Variants in SLC6A11 observed in about 807,000 individuals in gnomAD.
SLC6A11 encodes the protein solute carrier family 6 member 11.
In SLC6A11, 25 loss-of-function variants were observed where a neutral mutation model predicts 74.8. The ratio of observed to expected loss-of-function variants is 0.33; its 90% CI spans 0.24 to 0.47. The LOEUF is 0.47. SLC6A11 is among the 20% of genes least tolerant of loss of function. SLC6A11 has a pLI of 1.00. For synonymous variants in SLC6A11, 330 were observed against 330.2 expected (o/e 1.00, Z 0.01); for missense variants, 574 against 837.0 (o/e 0.69, Z 3.88).
At chr3:10,871,390 A>G (rs961898161) in intron 5 of SLC6A11, among the ~76,000 whole-genome samples, 3 of 152,198 alleles carry the variant, frequency 2.0e-5, no homozygotes, top group Non-Finnish European at 4.4e-5. Context: ...AGTTCCAAAT[A>G]TTATGTATCT....
intron 6 of SLC6A11, among the ~76,000 whole-genome samples, chr3:10,894,971 C>A (rs1695153108): frequency 6.6e-6 from 1 of 152,046 alleles, no homozygotes; most frequent in Non-Finnish European, 1.5e-5. Flanking sequence ...AAAGTGAGGG[C>A]TTTGGGATCA....
intron 5 of SLC6A11, among the ~76,000 whole-genome samples, chr3:10,873,996 T>TACGCTAC (rs1559567293): frequency 0.023 from 2,950 of 128,544 alleles, 40 homozygotes; most frequent in Non-Finnish European, 0.03. Context: ...CGCTACGCTA[T>TACGCTAC]GCTATGCTAT....
intron 4 of SLC6A11, among the ~76,000 whole-genome samples, chr3:10,832,206 C>T (rs774566576): frequency 2.0e-5 from 3 of 152,340 alleles, no homozygotes; most frequent in East Asian, 1.9e-4. Flanking sequence ...CTAGTGGCCC[C>T]GAGCAGCCCT....
At chr3:10,911,675 C>G (rs576160678) in intron 6 of SLC6A11, among the ~76,000 whole-genome samples, 1 of 152,212 alleles carries the variant, frequency 6.6e-6, no homozygotes, top group Non-Finnish European at 1.5e-5. Flanking sequence ...CAAGCAGGCA[C>G]TAGATCCCAG....
chr3:10,824,803 T>C (rs1331723389), intron 4 of SLC6A11: 2 of 152,234 alleles, frequency 1.3e-5, no homozygotes, highest in Non-Finnish European at 2.9e-5. Flanking sequence ...AGTGAATGTC[T>C]AGTCTGTGCT....
chr3:10,926,942 G>T lies in SLC6A11; in HGVS notation c.1233+826G>T, dbSNP rs1286264465. Among the ~76,000 whole-genome samples the T allele has an allele frequency of 6.6e-6, 1 of 152,254 alleles. No individual in the cohort carries two copies. Among genetic ancestry groups the T allele is most frequent in the East Asian group, 1.9e-4 (1 of 5,166 alleles). On this transcript the variant is annotated intron_variant, in intron 9 of 13. Transcript: ENST00000254488. This position sits in a 1 kb window ranked among gnomAD's most constrained non-coding sequence, Gnocchi z 5.7. Reference sequence around the variant, plus strand: ...CACAGCCTCCCCGCCTCGGAGACTGGGGTCTCTTGGCCAACCAGTGCTGTG... The same window carrying T: ...CACAGCCTCCCCGCCTCGGAGACTGTGGTCTCTTGGCCAACCAGTGCTGTG...
intron 6 of SLC6A11, among the ~76,000 whole-genome samples, chr3:10,892,322 C>A (rs963711282): frequency 6.6e-6 from 1 of 152,244 alleles, no homozygotes; most frequent in Non-Finnish European, 1.5e-5. Context: ...TGCCTCCTTG[C>A]TTAGGGTCTC....
intron 4 of SLC6A11, among the ~76,000 whole-genome samples, chr3:10,841,665 C>G (rs1694439145): frequency 6.6e-6 from 1 of 152,216 alleles, no homozygotes; most frequent in African/African-American, 2.4e-5. Flanking sequence ...TTTGCAGCAT[C>G]CACATTGTAG....
chr3:10,858,408 GT>G (rs989999507), intron 5 of SLC6A11, among the ~76,000 whole-genome samples: 2 of 152,156 alleles, frequency 1.3e-5, no homozygotes, highest in East Asian at 1.9e-4. Flanking sequence ...AAGCAGGAGA[GT>G]TTTTTTGCTG....
intron 6 of SLC6A11, among the ~76,000 whole-genome samples, chr3:10,877,630 G>C (rs1406089049): frequency 6.6e-6 from 1 of 152,174 alleles, no homozygotes; most frequent in Non-Finnish European, 1.5e-5. Flanking sequence ...AAATCACATT[G>C]CTATACAAAT....
chr3:10,875,311 T>G (rs1694895007), intron 6 of SLC6A11, among the ~76,000 whole-genome samples: 1 of 152,216 alleles, frequency 6.6e-6, no homozygotes, highest in Non-Finnish European at 1.5e-5. Flanking sequence ...GGCAAATTTG[T>G]GACATGGTAA....
At chr3:10,890,109 T>A (rs1452046335) in intron 6 of SLC6A11, among the ~76,000 whole-genome samples, 3 of 150,656 alleles carry the variant, frequency 2.0e-5, no homozygotes. Flanking sequence ...CTGTGGCTAG[T>A]GGCCACCATA....
chr3:10,874,404 G>A (rs1300089129), intron 5 of SLC6A11, among the ~76,000 whole-genome samples: 3 of 152,162 alleles, frequency 2.0e-5, no homozygotes, highest in East Asian at 3.9e-4. Context: ...AGGAGGACAG[G>A]CCGTGTTAGG....
chr3:10,826,501 G>A (rs1694211656), intron 4 of SLC6A11, among the ~76,000 whole-genome samples: 1 of 152,140 alleles, frequency 6.6e-6, no homozygotes, highest in Non-Finnish European at 1.5e-5. Context: ...TGTTGTTTTT[G>A]CACCACTCAT....
rs114025886 is a variant in SLC6A11, at chr3:10,917,618, T to G, written c.996-711T>G. Among the ~76,000 whole-genome samples the G allele has an allele frequency of 2.1e-3, 317 of 152,260 alleles. 2 individuals are homozygous for G. The highest frequency in any genetic ancestry group is 7.0e-3 in the African/African-American group (290 of 41,556). On this transcript the variant is annotated intron_variant, in intron 7 of 13. Coordinates refer to ENST00000254488, the MANE Select transcript of SLC6A11 (RefSeq NM_014229.3). ...GGGTACCGTCTTCATCTTGACAAAGTTCCATTGTTTCTAGTCTGATTTCTC... is the reference window on the plus strand; with the variant it reads ...GGGTACCGTCTTCATCTTGACAAAGGTCCATTGTTTCTAGTCTGATTTCTC...
At chr3:10,904,475 G>A (rs1026753953) in intron 6 of SLC6A11, among the ~76,000 whole-genome samples, 6 of 152,252 alleles carry the variant, frequency 3.9e-5, no homozygotes, top group South Asian at 2.1e-4. Context: ...CTGCCAGAAC[G>A]CCCCCCATTC....
At chr3:10,908,950 G>A (rs1429413593) in intron 6 of SLC6A11, among the ~76,000 whole-genome samples, 2 of 152,054 alleles carry the variant, frequency 1.3e-5, no homozygotes, top group Non-Finnish European at 2.9e-5. Flanking sequence ...AATGTTCTAG[G>A]ATAGGTCTGA....
rs184818366 is a variant in SLC6A11 at position 10,927,737 on chromosome 3, C to A, written c.1234-1465C>A. Among the ~76,000 whole-genome samples the A allele has an allele frequency of 2.8e-3, 427 of 152,356 alleles. 1 individual carries two copies. Among genetic ancestry groups the A allele is most frequent in the Middle Eastern group, 0.01 (3 of 294 alleles). On this transcript the variant is annotated intron_variant, in intron 9 of 13. Coordinates refer to ENST00000254488, the MANE Select transcript of SLC6A11 (RefSeq NM_014229.3). ...GAGTCCCAGCCCCATGACTTGCCAG[C>A]TGTGTGCCTTGGGCTAGTCACCTCG...
chr3:10,831,458 GCTAA>G (rs1694296073), intron 4 of SLC6A11, among the ~76,000 whole-genome samples: 1 of 152,092 alleles, frequency 6.6e-6, no homozygotes, highest in Non-Finnish European at 1.5e-5. Context: ...ACACAGAAAA[GCTAA>G]CAGTAAGTGA....
Sources: gnomAD v4.1 joint callset for allele counts (sites outside exome capture counted in the v4.1 genomes callset) on GRCh38, gnomAD v4.1.1 for gene constraint, Gnocchi (gnomAD v3.1) non-coding constraint, MANE v1.5 for transcripts, NCBI Gene and HGNC (gene_info 2026-07-23, HGNC 2026-07-21) for gene names.